PRH1: variants seen among roughly 807,000 people sequenced by gnomAD.
The protein encoded by PRH1 is proline rich protein HaeIII subfamily 1.
A neutral mutation model predicts 7.9 loss-of-function variants in PRH1; 7 were observed. The observed-to-expected ratio is 0.89, with a 90% CI of 0.50 to 1.67. PRH1 has a LOEUF of 1.67. Ranked by LOEUF, PRH1 falls within the 40% of genes most tolerant of loss-of-function variation. The pLI is 0.00. For synonymous variants in PRH1, 45 were observed against 80.8 expected (o/e 0.56, Z 2.38); for missense variants, 109 against 223.6 (o/e 0.49, Z 3.27).
chr12:11,125,432 T>TG (rs370873531), intron 1 of PRH1, among the ~76,000 whole-genome samples: 1 of 151,404 alleles, frequency 6.6e-6, no homozygotes, highest in Non-Finnish European at 1.5e-5. Context: ...AAATTCTCTC[T>TG]ACTGCTTATT....
chr12:10,932,581 C>T (rs1201105284), intron 2 of PRH1, among the ~76,000 whole-genome samples: 2 of 152,150 alleles, frequency 1.3e-5, no homozygotes, highest in East Asian at 3.8e-4. Flanking sequence ...GTAAGCAAAA[C>T]AGGACCAATG....
chr12:10,889,782 C>A (rs1009209425), intron 2 of PRH1, among the ~76,000 whole-genome samples: 5 of 152,080 alleles, frequency 3.3e-5, no homozygotes, highest in Admixed American at 2.0e-4. Context: ...CCATCATTTT[C>A]TTTATGCTAT....
chr12:10,887,525 C>CCT (rs1949510024), upstream of PRH1, among the ~76,000 whole-genome samples: 1 of 139,154 alleles, frequency 7.2e-6, no homozygotes, highest in Admixed American at 7.3e-5. Context: ...TAGCATATTT[C>CCT]TTTTTTTTTT....
chr12:11,165,580 A>G (rs1217766990), intron 1 of PRH1, among the ~76,000 whole-genome samples: 2 of 152,186 alleles, frequency 1.3e-5, no homozygotes, highest in East Asian at 1.9e-4. Context: ...TCTGTCTGAT[A>G]ATTTCAACCT....
intron 1 of PRH1, among the ~76,000 whole-genome samples, chr12:11,081,710 G>A (rs1173013310): frequency 4.7e-4 from 47 of 101,042 alleles, no homozygotes; most frequent in Non-Finnish European, 6.3e-4. Context: ...CCACAGCTAC[G>A]TTGTTGTATT....
intron 1 of PRH1, chr12:11,166,058 A>T (rs1306500721): frequency 6.6e-6 from 1 of 152,280 alleles, no homozygotes; most frequent in Non-Finnish European, 1.5e-5. Context: ...CACAACAAGA[A>T]AAACTGCCTA....
intron 1 of PRH1, among the ~76,000 whole-genome samples, chr12:11,044,208 A>G (rs1942828495): frequency 6.6e-6 from 1 of 152,224 alleles, no homozygotes; most frequent in East Asian, 1.9e-4. Flanking sequence ...AGTCTCTTCA[A>G]TAAATGGTGC....
chr12:11,150,280 G>A (rs1947028244), intron 1 of PRH1, among the ~76,000 whole-genome samples: 1 of 151,860 alleles, frequency 6.6e-6, no homozygotes, highest in East Asian at 1.9e-4. Flanking sequence ...CAGGGATCTA[G>A]AGCTAGAAAT....
chr12:10,884,177 C>G lies in PRH1; in HGVS notation c.41G>C (p.Ser14Thr). The G allele has an allele frequency of 6.2e-7, 1 of 1,614,166 alleles. No homozygotes were observed. Among genetic ancestry groups the G allele is most frequent in the Non-Finnish European group, 8.5e-7 (1 of 1,180,020 alleles). ...ACCTTCATTTAAATCCTGAGCTGAG[C>G]TGAAGGCCAGCAGGGCCACTGACAG... Reference protein sequence around the residue: ...ILLSVALLAFSSAQDLNEDVS... With the variant: ...ILLSVALLAFTSAQDLNEDVS... Residue 14 changes from serine to threonine, a missense_variant, in exon 1 of 4, where the codon AGC becomes ACC. Physicochemically the swap from Ser to Thr is moderately conservative, Grantham distance 58 (BLOSUM62 1). Transcript: ENST00000543626.
At chr12:10,992,731 A>C (rs1940003145) in intron 1 of PRH1, among the ~76,000 whole-genome samples, 1 of 152,136 alleles carries the variant, frequency 6.6e-6, no homozygotes, top group African/African-American at 2.4e-5. Flanking sequence ...GAGTTTTTGA[A>C]AGTCAGATGC....
intron 1 of PRH1, among the ~76,000 whole-genome samples, chr12:11,138,796 T>TCCTAA (rs1436485493): frequency 1.3e-3 from 153 of 121,846 alleles, no homozygotes; most frequent in Non-Finnish European, 2.3e-3. Context: ...CCCACCATTT[T>TCCTAA]AGGAGGCTGA....
intron 1 of PRH1, chr12:10,997,783 A>G: frequency 1.2e-6 from 2 of 1,613,886 alleles, no homozygotes; most frequent in Non-Finnish European, 1.7e-6. Flanking sequence ...AGGCAATGAA[A>G]TTTATCAGTG....
At chr12:11,109,272 ACT>A (rs1243083307) in intron 1 of PRH1, among the ~76,000 whole-genome samples, 2 of 152,104 alleles carry the variant, frequency 1.3e-5, no homozygotes, top group East Asian at 3.9e-4. Flanking sequence ...CCTGCCTGAC[ACT>A]CTGAAAAGAG....
At chr12:11,083,446 AAGAATATGTTTTTTC>A (rs1217373484) in intron 1 of PRH1, among the ~76,000 whole-genome samples, 1 of 152,270 alleles carries the variant, frequency 6.6e-6, no homozygotes, top group Non-Finnish European at 1.5e-5. Context: ...TGATGTCTAT[AAGAATATGTTTTTTC>A]AGCCTATTTT....
At chr12:10,922,634 T>C (rs144974857) in intron 2 of PRH1, among the ~76,000 whole-genome samples, 84 of 152,200 alleles carry the variant, frequency 5.5e-4, no homozygotes, top group African/African-American at 1.8e-3. Context: ...TTTTTGCTAA[T>C]TGCATTCTTA....
At chr12:11,108,097 G>T (rs530087874) in intron 1 of PRH1, among the ~76,000 whole-genome samples, 1 of 152,140 alleles carries the variant, frequency 6.6e-6, no homozygotes, top group African/African-American at 2.4e-5. Flanking sequence ...TCCTTCAAAC[G>T]TGAAAGAGAA....
chr12:11,120,676 G>GA (rs1418768113), downstream of PRH1, among the ~76,000 whole-genome samples: 2 of 151,872 alleles, frequency 1.3e-5, no homozygotes, highest in African/African-American at 4.8e-5. Flanking sequence ...ATTTTATCCA[G>GA]AATTTATAGA....
chr12:10,915,339 C>G (rs1949958909), intron 2 of PRH1, among the ~76,000 whole-genome samples: 1 of 152,080 alleles, frequency 6.6e-6, no homozygotes, highest in Non-Finnish European at 1.5e-5. Context: ...TTACAATGCT[C>G]AAAGTATCTG....
At chr12:11,128,497 C>T (rs35039890) in intron 1 of PRH1, among the ~76,000 whole-genome samples, 32,213 of 152,074 alleles carry the variant, frequency 0.21, 4,011 homozygotes, top group Non-Finnish European at 0.27. Context: ...GTAATCCCAG[C>T]ACTTTGGGAG....
Sources: allele counts gnomAD v4.1 joint callset (sites outside exome capture counted in the v4.1 genomes callset), GRCh38; gene constraint gnomAD v4.1.1; transcripts MANE v1.5; gene names NCBI Gene and HGNC (gene_info 2026-07-23, HGNC 2026-07-21).